COBL: variants seen among roughly 807,000 people sequenced by gnomAD.
COBL encodes cordon-bleu WH2 repeat protein.
A neutral mutation model predicts 98.8 loss-of-function variants in COBL; 51 were observed. That is an observed-to-expected ratio of 0.52 (90% CI 0.41 to 0.65). The LOEUF (loss-of-function observed/expected upper bound fraction) is 0.65. COBL is among the 30% of genes least tolerant of loss of function. COBL has a pLI of 0.00. For synonymous variants in COBL, 634 were observed against 651.7 expected, an observed-to-expected ratio of 0.97 and a Z score of 0.41; for missense variants, 1,617 against 1,617.5, an observed-to-expected ratio of 1.00 and a Z score of 0.01.
intron 5 of COBL, among the ~76,000 whole-genome samples, chr7:51,165,473 A>G (rs184407933): frequency 1.3e-5 from 2 of 152,206 alleles, no homozygotes; most frequent in Admixed American, 1.3e-4. Context: ...TAAAGCAAAT[A>G]TTATTAGAGC....
At chr7:51,291,246 T>C (rs1167835625) in intron 1 of COBL, among the ~76,000 whole-genome samples, 1 of 152,080 alleles carries the variant, frequency 6.6e-6, no homozygotes, top group Non-Finnish European at 1.5e-5. Context: ...GATACAGACA[T>C]GAACTGTGAG....
chr7:51,069,159 T>G (rs1345122651), intron 7 of COBL, among the ~76,000 whole-genome samples: 1 of 152,166 alleles, frequency 6.6e-6, no homozygotes, highest in Non-Finnish European at 1.5e-5. Flanking sequence ...GATTCGGGGT[T>G]TGCCCATATG....
chr7:51,218,039 A>G (rs1793263930), intron 2 of COBL, among the ~76,000 whole-genome samples: 1 of 152,180 alleles, frequency 6.6e-6, no homozygotes, highest in Non-Finnish European at 1.5e-5. Flanking sequence ...GCCCCCACTG[A>G]GGAGCAACCT....
intron 6 of COBL, 119 bp downstream of exon 6, chr7:51,136,039 A>C (rs61031232): frequency 3.1e-6 from 4 of 1,286,656 alleles, no homozygotes; most frequent in African/African-American, 1.5e-5. Context: ...ACTTGCCCCC[A>C]ACACTCCAGT....
chr7:51,094,982 C>A (rs1795144019), intron 6 of COBL, among the ~76,000 whole-genome samples: 1 of 151,960 alleles, frequency 6.6e-6, no homozygotes, highest in South Asian at 2.1e-4. Context: ...ATGGTAAGCA[C>A]AAAGAAAATA....
chr7:51,085,228 G>A lies in COBL; in HGVS notation c.1034C>T (p.Pro345Leu). 2 of 1,613,992 alleles carry A rather than the reference G, an allele frequency of 1.2e-6. No individual in the cohort carries two copies. Among genetic ancestry groups the A allele is most frequent in the Non-Finnish European group, 1.7e-6 (2 of 1,180,018 alleles). ...GCGGTTGGGGATCAGGGGACTCGGT[G>A]GTGGTGGCTGTGGTGGAGGGGGAGC... ...APAPPPPQPP[P>L]PSPLIPNRTE... The change falls in exon 7 of 13, where the codon CCA becomes CTA. Residue 345 changes from proline (P) to leucine (L), a missense_variant. By Grantham distance (98) the Pro-to-Leu change is moderately conservative. This residue lies in a region of COBL where 1,304 missense variants were observed against 1,282.0 expected (regional missense o/e 1.02). Coordinates refer to ENST00000265136, the MANE Select transcript of COBL (RefSeq NM_015198.5).
At chr7:51,151,390 T>C (rs1384336862) in intron 5 of COBL, among the ~76,000 whole-genome samples, 2 of 152,146 alleles carry the variant, frequency 1.3e-5, no homozygotes, top group African/African-American at 4.8e-5. Context: ...CTCTAGGCTT[T>C]CACAGATCAG....
chr7:51,269,581 A>AC (rs1324296565), intron 1 of COBL, among the ~76,000 whole-genome samples: 1 of 152,204 alleles, frequency 6.6e-6, no homozygotes, highest in African/African-American at 2.4e-5. Flanking sequence ...TGCTCCGGCC[A>AC]CTGCTCTCCT....
intron 2 of COBL, among the ~76,000 whole-genome samples, chr7:51,198,179 G>C (rs1790773132): frequency 1.3e-5 from 2 of 152,132 alleles, no homozygotes; most frequent in South Asian, 4.1e-4. Flanking sequence ...CTTGCTTCAG[G>C]AGCTCCTGTA....
chr7:51,209,183 C>A (rs1792158358), intron 2 of COBL, among the ~76,000 whole-genome samples: 1 of 151,980 alleles, frequency 6.6e-6, no homozygotes, highest in African/African-American at 2.4e-5. Context: ...CACAGGCAAA[C>A]CCAATCCTAC....
intron 7 of COBL, among the ~76,000 whole-genome samples, chr7:51,053,857 C>T (rs753173953): frequency 6.6e-6 from 1 of 152,240 alleles, no homozygotes; most frequent in Non-Finnish European, 1.5e-5. Context: ...TGCAATGCAA[C>T]ATTTTATTAG....
intron 1 of COBL, among the ~76,000 whole-genome samples, chr7:51,301,914 A>G (rs1285328867): frequency 6.6e-6 from 1 of 152,120 alleles, no homozygotes; most frequent in Non-Finnish European, 1.5e-5. Context: ...CATTTTATCT[A>G]GTTTTCAACC....
chr7:51,093,914 T>C (rs1174400562), intron 6 of COBL, among the ~76,000 whole-genome samples: 2 of 150,440 alleles, frequency 1.3e-5, no homozygotes, highest in African/African-American at 4.9e-5. Flanking sequence ...AAAAAAAAAG[T>C]ATAGTCAAGA....
chr7:51,283,184 T>C (rs1799958518), intron 1 of COBL, among the ~76,000 whole-genome samples: 1 of 151,752 alleles, frequency 6.6e-6, no homozygotes, highest in Admixed American at 6.6e-5. Flanking sequence ...AAAAAGGCAA[T>C]AGAAAACAAT....
chr7:51,270,827 A>G lies in COBL; in HGVS notation c.41+45766T>C, dbSNP rs577428039. On this transcript the variant is annotated intron_variant, in intron 1 of 12. Coordinates refer to ENST00000265136, the MANE Select transcript of COBL (RefSeq NM_015198.5). ...ATACATTTTATTATTCGACTTAAAA[A>G]AAAATCAAAACCAAAAAAAAACAAG... Among the ~76,000 whole-genome samples the G allele has an allele frequency of 1.4e-4, 21 of 149,740 alleles. 2 individuals are homozygous for G. In the South Asian group the frequency reaches 4.4e-3, roughly 31 times the overall value.
chr7:51,215,333 A>T (rs1792927046), intron 2 of COBL, among the ~76,000 whole-genome samples: 1 of 152,246 alleles, frequency 6.6e-6, no homozygotes, highest in South Asian at 2.1e-4. Context: ...TCGGATGTTG[A>T]TAGCATTCTG....
intron 1 of COBL, among the ~76,000 whole-genome samples, chr7:51,247,495 T>C (rs190966296): frequency 2.0e-5 from 3 of 152,328 alleles, no homozygotes; most frequent in Admixed American, 6.5e-5. Context: ...GTTGGATGAA[T>C]TGGGGAGATG....
intron 1 of COBL, among the ~76,000 whole-genome samples, chr7:51,272,272 T>C (rs1798827785): frequency 2.0e-5 from 3 of 152,156 alleles, no homozygotes. Flanking sequence ...CAAGGTATGA[T>C]TTTTTTCCAG....
At chr7:51,263,032 T>C (rs1050849254) in intron 1 of COBL, among the ~76,000 whole-genome samples, 1 of 152,150 alleles carries the variant, frequency 6.6e-6, no homozygotes, top group Non-Finnish European at 1.5e-5. Context: ...GGAACTGACA[T>C]CAGTGGGGCC....
Sources: gnomAD v4.1 joint callset for allele counts (sites outside exome capture counted in the v4.1 genomes callset) on GRCh38, gnomAD v4.1.1 for gene constraint, gnomAD v4.1.1 regional missense constraint, MANE v1.5 for transcripts, NCBI Gene and HGNC (gene_info 2026-07-23, HGNC 2026-07-21) for gene names.